PRELID2: variants seen among roughly 807,000 people sequenced by gnomAD.
PRELID2 encodes the protein PRELI domain-containing protein 2.
In PRELID2, 25 loss-of-function variants were observed where a neutral mutation model predicts 28.4. The ratio of observed to expected loss-of-function variants is 0.88; its 90% CI spans 0.64 to 1.23. The LOEUF (loss-of-function observed/expected upper bound fraction) is 1.23, where lower values mean the gene tolerates loss of function less well. Among genes scored for constraint, PRELID2 ranks in the 50% most tolerant of loss-of-function variants. The probability of loss-of-function intolerance (pLI) is 0.00; values close to 1 mark genes in which losing one functional copy is unlikely to be tolerated. For missense variants in PRELID2, 201 were observed against 214.4 expected (o/e 0.94, Z 0.39); for synonymous variants, 76 against 71.6 (o/e 1.06, Z -0.31).
intron 1 of PRELID2, among the ~76,000 whole-genome samples, chr5:145,510,279 C>T (rs1752449687): frequency 6.6e-6 from 1 of 152,164 alleles, no homozygotes; most frequent in Non-Finnish European, 1.5e-5. Flanking sequence ...CTTTGCTCTT[C>T]CCTCACCACA....
intron 1 of PRELID2, among the ~76,000 whole-genome samples, chr5:145,527,632 C>T (rs948417005): frequency 2.6e-5 from 4 of 152,096 alleles, no homozygotes; most frequent in Non-Finnish European, 5.9e-5. Context: ...GTGCTTTGCC[C>T]TCAAGGGTAA....
chr5:145,413,912 T>C, the PRELID2 span, among the ~76,000 whole-genome samples: 1 of 152,198 alleles, frequency 6.6e-6, no homozygotes, highest in Non-Finnish European at 1.5e-5. Flanking sequence ...TTATTGTGTC[T>C]ATATAACACA....
intron 1 of PRELID2, among the ~76,000 whole-genome samples, chr5:145,607,772 G>A (rs987967790): frequency 1.3e-5 from 2 of 152,124 alleles, no homozygotes; most frequent in Non-Finnish European, 2.9e-5. Flanking sequence ...TTGGTCAAAT[G>A]TCAAGTTCAG....
chr5:145,733,410 T>C (rs1174672929), intron 1 of PRELID2, among the ~76,000 whole-genome samples: 1 of 152,214 alleles, frequency 6.6e-6, no homozygotes, highest in Non-Finnish European at 1.5e-5. Flanking sequence ...CAATTAAGAT[T>C]GGCAGTTGGC....
At chr5:145,502,561 C>T (rs1752369187) in intron 1 of PRELID2, among the ~76,000 whole-genome samples, 1 of 152,126 alleles carries the variant, frequency 6.6e-6, no homozygotes, top group African/African-American at 2.4e-5. Flanking sequence ...TTCCATTACT[C>T]ATATGGAAAA....
At chr5:145,532,702 G>T (rs562547482) in intron 1 of PRELID2, among the ~76,000 whole-genome samples, 149 of 152,106 alleles carry the variant, frequency 9.8e-4, no homozygotes, top group African/African-American at 3.4e-3. Context: ...ACATACAAGT[G>T]AGATCGTGTA....
the PRELID2 span, among the ~76,000 whole-genome samples, chr5:145,465,924 A>C: frequency 3.9e-5 from 6 of 152,154 alleles, no homozygotes; most frequent in Non-Finnish European, 8.8e-5. Flanking sequence ...CTCCATTATT[A>C]TGATAGCATT....
At chr5:145,812,702 A>G (rs1163130021) in intron 4 of PRELID2, among the ~76,000 whole-genome samples, 1 of 152,184 alleles carries the variant, frequency 6.6e-6, no homozygotes, top group African/African-American at 2.4e-5. Context: ...AGGAGGAGGG[A>G]TAAAGTAAGT....
chr5:145,752,305 G>A (rs983900573), downstream of PRELID2, among the ~76,000 whole-genome samples: 2 of 152,186 alleles, frequency 1.3e-5, no homozygotes, highest in Non-Finnish European at 2.9e-5. Context: ...GCTGGCTTCT[G>A]AGTTGACACG....
intron 1 of PRELID2, among the ~76,000 whole-genome samples, chr5:145,726,550 T>C (rs1043493733): frequency 4.0e-5 from 6 of 150,646 alleles, no homozygotes; most frequent in Non-Finnish European, 7.4e-5. Flanking sequence ...GATGGATGGA[T>C]AGATATGTAG....
At chr5:145,565,304 T>C in intron 1 of PRELID2, among the ~76,000 whole-genome samples, 1 of 152,224 alleles carries the variant, frequency 6.6e-6, no homozygotes, top group Non-Finnish European at 1.5e-5. Context: ...AGTGACTGAA[T>C]TGCCCTTCCA....
rs189952980 is a variant in PRELID2 at position 145,828,313 on chromosome 5, A to T, written c.76-5179T>A. On this transcript the variant is annotated intron_variant, in intron 1 of 6. Transcript: ENST00000683046. ...ATAAATGTAGCTGGTTTTGCTACTA[A>T]CAAATGAATCAACACTTTTGAAGAC... Among the ~76,000 whole-genome samples the T allele has an allele frequency of 5.3e-5, 8 of 152,362 alleles. No individual in the cohort carries two copies. The East Asian group carries it at 1.5e-3, about 29-fold the overall frequency.
chr5:145,320,072 C>T, the PRELID2 span, among the ~76,000 whole-genome samples: 1 of 152,308 alleles, frequency 6.6e-6, no homozygotes, highest in Admixed American at 6.5e-5. Context: ...CTTTTATGTG[C>T]AGTCTCAGTT....
At chr5:145,616,490 A>G (rs924902702) in intron 1 of PRELID2, among the ~76,000 whole-genome samples, 3 of 152,182 alleles carry the variant, frequency 2.0e-5, no homozygotes, top group African/African-American at 7.2e-5. Flanking sequence ...TCTGAGAAAT[A>G]AAGGGACAAG....
intron 5 of PRELID2, among the ~76,000 whole-genome samples, chr5:145,790,026 T>C (rs1364296260): frequency 6.6e-6 from 1 of 152,130 alleles, no homozygotes; most frequent in Non-Finnish European, 1.5e-5. Flanking sequence ...GAGAAAAGGA[T>C]GCCCTTGTAC....
chr5:145,241,741 G>A, the PRELID2 span, among the ~76,000 whole-genome samples: 1 of 151,876 alleles, frequency 6.6e-6, no homozygotes, highest in Non-Finnish European at 1.5e-5. Context: ...CCAGGCTACA[G>A]AGGTTAATTT....
chr5:145,405,048 C>G, the PRELID2 span, among the ~76,000 whole-genome samples: 1 of 151,888 alleles, frequency 6.6e-6, no homozygotes, highest in Non-Finnish European at 1.5e-5. Context: ...TGTTTCACAA[C>G]TTAAAAAAAT....
At chr5:145,694,132 T>A (rs990163759) in intron 1 of PRELID2, among the ~76,000 whole-genome samples, 3 of 152,216 alleles carry the variant, frequency 2.0e-5, no homozygotes, top group Admixed American at 6.5e-5. Context: ...TAAATCAATA[T>A]AAATAAATAC....
chr5:145,567,879 T>C (rs2149615463), intron 1 of PRELID2, among the ~76,000 whole-genome samples: 1 of 152,308 alleles, frequency 6.6e-6, no homozygotes, highest in South Asian at 2.1e-4. Flanking sequence ...TTCAGAGCAG[T>C]GTGAAAACAG....
Sources: allele counts gnomAD v4.1 joint callset (sites outside exome capture counted in the v4.1 genomes callset), GRCh38; gene constraint gnomAD v4.1.1; transcripts MANE v1.5; gene names NCBI Gene and HGNC (gene_info 2026-07-23, HGNC 2026-07-21).